Variants in ABCA13 observed in about 807,000 individuals in gnomAD.
The protein encoded by ABCA13 is ATP-binding cassette sub-family A member 13.
A neutral mutation model predicts 478.7 loss-of-function variants in ABCA13; 476 were observed. The ratio of observed to expected loss-of-function variants is 0.99; its 90% CI spans 0.92 to 1.07. The LOEUF (loss-of-function observed/expected upper bound fraction) is 1.07. Among genes scored for constraint, ABCA13 ranks in the 50% least tolerant of loss-of-function variants. The pLI is 0.00. For missense variants in ABCA13, 6,060 were observed against 5,910.6 expected (o/e 1.03, Z -0.83); for synonymous variants, 2,252 against 2,158.9 (o/e 1.04, Z -1.20).
chr7:48,598,832 G>A (rs12536486), intron 58 of ABCA13, among the ~76,000 whole-genome samples: 37,590 of 151,620 alleles, frequency 0.25, 5,153 homozygotes, highest in Middle Eastern at 0.37. Flanking sequence ...TTATATTTAA[G>A]TCTTTGATCT....
chr7:48,402,263 C>T (rs1817712312), intron 38 of ABCA13, among the ~76,000 whole-genome samples: 1 of 152,332 alleles, frequency 6.6e-6, no homozygotes, highest in South Asian at 2.1e-4. Flanking sequence ...CGTTTGAGAA[C>T]ATCTGACATC....
chr7:48,558,252 CT>C (rs1054426023), intron 55 of ABCA13, among the ~76,000 whole-genome samples: 255 of 111,928 alleles, frequency 2.3e-3, no homozygotes, highest in Middle Eastern at 6.4e-3. Flanking sequence ...TTTTCTTTTT[CT>C]TTTTTTTTTT....
chr7:48,471,624 CT>C, intron 45 of ABCA13, 25 bp downstream of exon 45: 1 of 1,535,746 alleles, frequency 6.5e-7, no homozygotes, highest in Non-Finnish European at 8.8e-7. Context: ...CATTTTTGAT[CT>C]TTTTAAGTCT....
rs1302556361 is a variant in ABCA13 at position 48,273,656 on chromosome 7, A to C, written c.3990A>C (p.Ala1330=). The C allele has an allele frequency of 1.9e-6, 3 of 1,607,564 alleles. No homozygotes were observed. Among genetic ancestry groups the C allele is most frequent in the Non-Finnish European group, 2.6e-6 (3 of 1,176,434 alleles). ...FENIITELRE[A]IVFLRNVSHD... ...ATATCATCACTGAGCTAAGAGAAGC[A>C]ATAGTATTTCTTAGAAATGTATCAC... Residue 1330 remains alanine (A), a synonymous_variant, in exon 17 of 62, where the codon GCA becomes GCC. Coordinates refer to ENST00000435803, the MANE Select transcript of ABCA13 (RefSeq NM_152701.5).
Position 48,240,988 on chromosome 7 carries a change from C to G in ABCA13, c.1184C>G (p.Ala395Gly). Residue 395 changes from alanine (A) to glycine (G), a missense_variant, in exon 10 of 62, where the codon GCT becomes GGT. Coordinates refer to ENST00000435803, the MANE Select transcript of ABCA13 (RefSeq NM_152701.5). Reference sequence around the variant, plus strand: ...AGCAAGCCCTGGAAGGTGGTGGAAGCTCTGCACACTGCACTGCTCCTGCTG... The same window carrying G: ...AGCAAGCCCTGGAAGGTGGTGGAAGGTCTGCACACTGCACTGCTCCTGCTG... ...EESKPWKVVEALHTALLLLND... is the reference protein window; with the variant it reads ...EESKPWKVVEGLHTALLLLND... 1 of 1,614,030 alleles carries G rather than the reference C, an allele frequency of 6.2e-7. No homozygotes were observed. The highest frequency in any genetic ancestry group is 1.7e-4 in the Middle Eastern group (1 of 6,060).
At chr7:48,364,718 G>A (rs1439195033) in intron 31 of ABCA13, among the ~76,000 whole-genome samples, 5 of 152,028 alleles carry the variant, frequency 3.3e-5, no homozygotes, top group African/African-American at 2.4e-5. Context: ...AGTTCCATCC[G>A]TGTTGCTTCA....
Position 48,279,717 on chromosome 7 carries a change from A to C in ABCA13, c.8523A>C (p.Thr2841=). 2 of 1,613,634 alleles carry C rather than the reference A, an allele frequency of 1.2e-6. No individual in the cohort carries two copies. Among genetic ancestry groups the C allele is most frequent in the Non-Finnish European group, 1.7e-6 (2 of 1,179,756 alleles). Residue 2841 remains threonine (T), a synonymous_variant, in exon 18 of 62, where the codon ACA becomes ACC. Transcript: ENST00000435803. The part of the protein sequence containing the change: ...LFNNSEWITS[T]RTLFQPLFEI... ...ACAACTCTGAATGGATAACTTCCAC[A>C]AGAACTTTGTTTCAGCCACTTTTTG... is the stretch of plus-strand genomic sequence containing the variant.
chr7:48,508,144 G>A, intron 50 of ABCA13, 95 bp downstream of exon 50: 1 of 1,499,084 alleles, frequency 6.7e-7, no homozygotes, highest in Non-Finnish European at 9.2e-7. Context: ...GGCCCTGGCT[G>A]CCTTGGAGTG....
At chr7:48,438,884 G>GTTTTTTTTTTTTTTTTTTTTTTTTTTTT (rs59630845) in intron 42 of ABCA13, among the ~76,000 whole-genome samples, 1 of 139,400 alleles carries the variant, frequency 7.2e-6, no homozygotes. Flanking sequence ...TTTTGCTAAG[G>GTTTTTTTTTTTTTTTTTTTTTTTTTTTT]TTTTTTTTTT....
chr7:48,569,763 G>A (rs1787426917), intron 55 of ABCA13, among the ~76,000 whole-genome samples: 1 of 152,052 alleles, frequency 6.6e-6, no homozygotes, highest in South Asian at 2.1e-4. Context: ...AACCTAAAAT[G>A]GTCTGCTCAC....
chr7:48,547,665 C>A (rs1393447089), intron 55 of ABCA13, among the ~76,000 whole-genome samples: 1 of 151,886 alleles, frequency 6.6e-6, no homozygotes, highest in South Asian at 2.1e-4. Context: ...AAATGATACA[C>A]ATTTCAGTGA....
Position 48,273,147 on chromosome 7 carries a change from A to G in ABCA13, c.3481A>G (p.Ile1161Val), listed in dbSNP as rs1446628187. 8.1e-6 allele frequency: 13 copies of G among 1,613,604 alleles called. No homozygotes were observed. The highest frequency in any genetic ancestry group is 2.7e-5 in the African/African-American group (2 of 74,912). The change falls in exon 17 of 62, where the codon ATA (isoleucine) becomes GTA (valine). Residue 1161 changes from isoleucine to valine, a missense_variant. This residue lies in a region of ABCA13 where 4,423 missense variants were observed against 4,309.1 expected (regional missense o/e 1.03). Transcript: ENST00000435803. ...AATGTGGACTGAAATCTGGGAAACC[A>G]TATCTCAATTATTTAAGTTTGACAT... Reference protein sequence around the residue: ...LQMWTEIWETISQLFKFDMNV... With the variant: ...LQMWTEIWETVSQLFKFDMNV...
At chr7:48,630,888 T>G (rs1481077588) in intron 59 of ABCA13, among the ~76,000 whole-genome samples, 2 of 152,118 alleles carry the variant, frequency 1.3e-5, no homozygotes, top group Non-Finnish European at 2.9e-5. Context: ...GGGTTTGATT[T>G]GCACTTCTCT....
intron 15 of ABCA13, among the ~76,000 whole-genome samples, chr7:48,266,698 G>T (rs966009429): frequency 6.6e-6 from 1 of 151,332 alleles, no homozygotes; most frequent in Non-Finnish European, 1.5e-5. Context: ...TTACTTCCTT[G>T]ATTTCCACTC....
At chr7:48,303,569 A>C (rs1387405709) in intron 23 of ABCA13, among the ~76,000 whole-genome samples, 1 of 152,114 alleles carries the variant, frequency 6.6e-6, no homozygotes, top group Non-Finnish European at 1.5e-5. Flanking sequence ...CAGTTATCTC[A>C]GCACCATTTA....
At chr7:48,634,358 C>T (rs778118952) in intron 59 of ABCA13, among the ~76,000 whole-genome samples, 8 of 152,132 alleles carry the variant, frequency 5.3e-5, no homozygotes, top group Admixed American at 1.3e-4. Context: ...TTTTTAAACA[C>T]GTTTGTGAAA....
intron 3 of ABCA13, among the ~76,000 whole-genome samples, chr7:48,202,895 C>T (rs1425157713): frequency 2.1e-5 from 3 of 145,030 alleles, no homozygotes; most frequent in Admixed American, 6.8e-5. Flanking sequence ...GCCTGCCAGT[C>T]CCGGTGCCGT....
intron 43 of ABCA13, among the ~76,000 whole-genome samples, chr7:48,464,347 T>C (rs1826633486): frequency 6.6e-6 from 1 of 152,196 alleles, no homozygotes; most frequent in South Asian, 2.1e-4. Flanking sequence ...AGACATAACT[T>C]TGTTGTAAAT....
chr7:48,572,404 A>C (rs900903493), intron 55 of ABCA13, among the ~76,000 whole-genome samples: 1 of 152,090 alleles, frequency 6.6e-6, no homozygotes, highest in Non-Finnish European at 1.5e-5. Context: ...CCACAGCCTC[A>C]AACATCTGGG....
Sources: allele counts gnomAD v4.1 joint callset (sites outside exome capture counted in the v4.1 genomes callset), GRCh38; gene constraint gnomAD v4.1.1; regional missense constraint gnomAD v4.1.1; transcripts MANE v1.5; gene names NCBI Gene and HGNC (gene_info 2026-07-23, HGNC 2026-07-21).